GNAI2: variants seen among roughly 807,000 people sequenced by gnomAD.
The protein encoded by GNAI2 is G protein subunit alpha i2.
Under a neutral mutation model 36.8 loss-of-function variants are expected in GNAI2, and 4 were observed. The observed-to-expected ratio is 0.11, with a 90% CI of 0.05 to 0.25. GNAI2 has a LOEUF of 0.25. Among genes scored for constraint, GNAI2 ranks in the 10% least tolerant of loss-of-function variants. The pLI is 1.00. For synonymous variants in GNAI2, 194 were observed against 194.1 expected (o/e 1.00, Z 0.01); for missense variants, 230 against 481.3 (o/e 0.48, Z 4.89).
intron 7 of GNAI2, among the ~76,000 whole-genome samples, 153 bp from the exon 8 acceptor site, chr3:50,257,347 G>A (rs1559777799): frequency 6.6e-6 from 1 of 152,194 alleles, no homozygotes; most frequent in Non-Finnish European, 1.5e-5. Context: ...TGCACATCTG[G>A]CATGTATGGG....
At chr3:50,251,769 CAG>C in intron 1 of GNAI2, 1 of 1,309,204 alleles carries the variant, frequency 7.6e-7, no homozygotes, top group African/African-American at 1.5e-5. Flanking sequence ...TATGTGAGAA[CAG>C]GGTGGCTCCT....
chr3:50,255,078 T>G lies in GNAI2; in HGVS notation c.465-1114T>G, dbSNP rs1700657165. Among the ~76,000 whole-genome samples, 2 of 152,138 alleles carry G rather than the reference T, an allele frequency of 1.3e-5. No homozygotes were observed. The highest frequency in any genetic ancestry group is 4.8e-5 in the African/African-American group (2 of 41,432). On this transcript the variant is annotated intron_variant, in intron 4 of 8. Transcript: ENST00000313601. The surrounding 1 kb of genome is among the most constrained non-coding windows in gnomAD (Gnocchi z 4.0). Reference sequence around the variant, plus strand: ...CGGGTCACAGCACATGCGTCATCCTTCCCCATGGCCCTTCCTGTTTTTCTG... The same window carrying G: ...CGGGTCACAGCACATGCGTCATCCTGCCCCATGGCCCTTCCTGTTTTTCTG...
upstream of GNAI2, among the ~76,000 whole-genome samples, chr3:50,231,905 G>T (rs941089876): frequency 6.6e-6 from 1 of 152,038 alleles, no homozygotes; most frequent in Non-Finnish European, 1.5e-5. Context: ...TACAGAAATC[G>T]CTACTATTGG....
exon 1 of GNAI2, chr3:50,230,926 T>C (rs1269848563): frequency 3.0e-6 from 3 of 985,290 alleles, no homozygotes; most frequent in Non-Finnish European, 3.6e-6. Flanking sequence ...ATGCCCACGA[T>C]GTACCTCACT....
chr3:50,252,161 A>C lies in GNAI2; in HGVS notation c.161+19A>C. The C allele has an allele frequency of 6.2e-7, 1 of 1,611,430 alleles. No individual in the cohort carries two copies. Among genetic ancestry groups the C allele is most frequent in the South Asian group, 1.1e-5 (1 of 90,982 alleles). ...AGATGAAGTAAGTGCTGTATTCCAGAGGCAGTGCTCAAACTCCAGCTTCCC... is the reference window on the plus strand; with the variant it reads ...AGATGAAGTAAGTGCTGTATTCCAGCGGCAGTGCTCAAACTCCAGCTTCCC... On this transcript the variant is annotated intron_variant, in intron 2 of 8. Transcript: ENST00000313601. The surrounding 1 kb of genome is among the most constrained non-coding windows in gnomAD (Gnocchi z 4.1).
intron 8 of GNAI2, 77 bp downstream of exon 8, chr3:50,257,791 T>TGGTTTGGGGGGGG: frequency 1.0e-5 from 1 of 99,322 alleles, no homozygotes; most frequent in Non-Finnish European, 1.7e-5. Flanking sequence ...GTTCTGGGGG[T>TGGTTTGGGGGGGG]GGGTAGGGGG....
rs1559764566 is a variant in GNAI2 at position 50,236,506 on chromosome 3, C to G, written c.118+53C>G. 6.4e-7 allele frequency: 1 copy of G among 1,551,756 alleles called. No homozygotes were observed. The highest frequency in any genetic ancestry group is 8.7e-7 in the Non-Finnish European group (1 of 1,154,640). ...TTGATTCCCAGCTCGAATCCCCAGA[C>G]AAGGACTTTGACCTCCCAGACTAGG... On this transcript the variant is annotated intron_variant, in intron 1 of 8. Coordinates refer to ENST00000313601, the MANE Select transcript of GNAI2 (RefSeq NM_002070.4). The surrounding 1 kb of genome is among the most constrained non-coding windows in gnomAD (Gnocchi z 4.0).
chr3:50,238,183 G>T lies in GNAI2; in HGVS notation c.118+1730G>T, dbSNP rs985497470. 6.6e-6 allele frequency: 1 copy of T among 152,200 alleles called. No individual in the cohort carries two copies. The highest frequency in any genetic ancestry group is 1.5e-5 in the Non-Finnish European group (1 of 68,026). 9.4% of individuals were successfully genotyped at this position (152,200 alleles called of 1,614,324 possible). On this transcript the variant is annotated intron_variant, in intron 1 of 8. Coordinates refer to ENST00000313601, the MANE Select transcript of GNAI2 (RefSeq NM_002070.4). This position sits in a 1 kb window ranked among gnomAD's most constrained non-coding sequence, Gnocchi z 5.0. ...CCCGTCGCTGCTGCTGCTGCTGCCCGACGGGCCTGGGGAGGGCACTTCCGG... is the reference window on the plus strand; with the variant it reads ...CCCGTCGCTGCTGCTGCTGCTGCCCTACGGGCCTGGGGAGGGCACTTCCGG...
At chr3:50,227,118 C>T (rs1307955300), upstream of GNAI2, 3 of 1,377,478 alleles carry the variant, frequency 2.2e-6, no homozygotes, top group East Asian at 3.0e-5. This position sits in a 1 kb window ranked among gnomAD's most constrained non-coding sequence, Gnocchi z 5.9. Flanking sequence ...AAGGAGGGAG[C>T]GTCTCATGAC....
chr3:50,254,741 T>C (rs1413369304), intron 4 of GNAI2, among the ~76,000 whole-genome samples: 1 of 152,216 alleles, frequency 6.6e-6, no homozygotes, highest in Non-Finnish European at 1.5e-5. Context: ...TTCTCCATCA[T>C]CCTCTTTCTC....
upstream of GNAI2, among the ~76,000 whole-genome samples, chr3:50,233,613 T>G (rs1700106844): frequency 6.6e-6 from 1 of 152,230 alleles, no homozygotes; most frequent in South Asian, 2.1e-4. Flanking sequence ...CTGACCTATG[T>G]GTGGGTGTCT....
upstream of GNAI2, chr3:50,229,272 C>T (rs1037718001): frequency 6.6e-6 from 1 of 152,200 alleles, no homozygotes; most frequent in African/African-American, 2.4e-5. Context: ...TGGAGACTGC[C>T]TATGCAACAG....
At position 50,241,606 on chromosome 3, in the gene GNAI2, C is replaced by A. The variant is rs587738133; in HGVS notation, c.118+5153C>A. On this transcript the variant is annotated intron_variant, in intron 1 of 8. Coordinates refer to ENST00000313601, the MANE Select transcript of GNAI2 (RefSeq NM_002070.4). The surrounding 1 kb of genome is among the most constrained non-coding windows in gnomAD (Gnocchi z 5.0). ...GGAGCTCAGCTGGGGGCATCCCAGG[C>A]GGGTTGGGGAGAGGAACCCCAGACA... Among the ~76,000 whole-genome samples, 1 of 152,134 alleles carries A rather than the reference C, an allele frequency of 6.6e-6. No individual in the cohort carries two copies. Among genetic ancestry groups the A allele is most frequent in the Non-Finnish European group, 1.5e-5 (1 of 68,012 alleles).
upstream of GNAI2, chr3:50,229,167 A>G (rs1202140774): frequency 3.3e-5 from 5 of 152,210 alleles, no homozygotes; most frequent in Non-Finnish European, 5.9e-5. Context: ...AGGACTAGGC[A>G]ATAACATGAA....
chr3:50,228,148 C>G (rs909371980), upstream of GNAI2, among the ~76,000 whole-genome samples: 2 of 152,258 alleles, frequency 1.3e-5, no homozygotes, highest in African/African-American at 4.8e-5. Flanking sequence ...CCTGTCTCCA[C>G]AGGCTTCACT....
upstream of GNAI2, chr3:50,227,302 G>T: frequency 1.9e-6 from 1 of 536,158 alleles, no homozygotes; most frequent in South Asian, 4.1e-5. The surrounding 1 kb of genome is among the most constrained non-coding windows in gnomAD (Gnocchi z 5.9). Context: ...ACGCGTGACG[G>T]CTGCAGCTCT....
At chr3:50,231,550 C>T (rs1700067734), upstream of GNAI2, among the ~76,000 whole-genome samples, 1 of 152,212 alleles carries the variant, frequency 6.6e-6, no homozygotes, top group Non-Finnish European at 1.5e-5. Context: ...GCTGGGATTA[C>T]AGGCTCGAGC....
intron 1 of GNAI2, among the ~76,000 whole-genome samples, chr3:50,250,248 G>T (rs1553702244): frequency 6.6e-6 from 1 of 152,150 alleles, no homozygotes; most frequent in African/African-American, 2.4e-5. Flanking sequence ...CTTTGCTGTC[G>T]ATATTGCCGA....
At chr3:50,239,308 G>A (rs1303106831) in intron 1 of GNAI2, among the ~76,000 whole-genome samples, 1 of 152,210 alleles carries the variant, frequency 6.6e-6, no homozygotes, top group African/African-American at 2.4e-5. Flanking sequence ...GGAACTTTGT[G>A]TGTGTTGTTC....
Sources: allele counts gnomAD v4.1 joint callset (sites outside exome capture counted in the v4.1 genomes callset), GRCh38; gene constraint gnomAD v4.1.1; non-coding constraint Gnocchi (gnomAD v3.1); transcripts MANE v1.5; gene names NCBI Gene and HGNC (gene_info 2026-07-23, HGNC 2026-07-21).